RBKS: variants seen among roughly 807,000 people sequenced by gnomAD.
The protein encoded by RBKS is ribokinase.
A neutral mutation model predicts 33.9 loss-of-function variants in RBKS; 33 were observed. The ratio of observed to expected loss-of-function variants is 0.97; its 90% CI spans 0.74 to 1.30. The LOEUF (loss-of-function observed/expected upper bound fraction) is 1.30. RBKS is among the 50% of genes most tolerant of loss of function. The probability of loss-of-function intolerance (pLI) is 0.00; values close to 1 mark genes in which losing one functional copy is unlikely to be tolerated. For missense variants in RBKS, 361 were observed against 392.6 expected, an observed-to-expected ratio of 0.92 and a Z score of 0.68; for synonymous variants, 125 against 143.0, an observed-to-expected ratio of 0.87 and a Z score of 0.90.
chr2:27,878,147 C>T (rs1014558210), intron 1 of RBKS, among the ~76,000 whole-genome samples: 5 of 151,776 alleles, frequency 3.3e-5, no homozygotes, highest in African/African-American at 1.2e-4. Flanking sequence ...CGTCATTTAG[C>T]ATTAGGTATA....
chr2:27,862,710 G>C, intron 1 of RBKS, among the ~76,000 whole-genome samples: 1 of 152,148 alleles, frequency 6.6e-6, no homozygotes, highest in Middle Eastern at 3.2e-3. Context: ...AACTGACTAT[G>C]TGCACTTAAG....
At chr2:27,880,623 G>A (rs557120573) in intron 1 of RBKS, among the ~76,000 whole-genome samples, 2 of 152,200 alleles carry the variant, frequency 1.3e-5, no homozygotes, top group East Asian at 1.9e-4. Flanking sequence ...TACACCAAGA[G>A]TCAAGCCAAA....
chr2:27,783,893 C>T (rs184881055), intron 7 of RBKS, among the ~76,000 whole-genome samples: 1,283 of 116,588 alleles, frequency 0.011, 11 homozygotes, highest in African/African-American at 0.02. Context: ...GGCGACAGAG[C>T]GAGACTCTGT....
At chr2:27,883,324 C>T (rs979054372) in intron 1 of RBKS, among the ~76,000 whole-genome samples, 5 of 152,098 alleles carry the variant, frequency 3.3e-5, no homozygotes, top group Admixed American at 1.3e-4. Flanking sequence ...CTCAGCCTCC[C>T]GAGTAGCTGG....
chr2:27,855,692 C>A (rs1663845713), intron 2 of RBKS, among the ~76,000 whole-genome samples: 1 of 152,190 alleles, frequency 6.6e-6, no homozygotes. Flanking sequence ...TACTGACTAA[C>A]TCTTAAGTAC....
chr2:27,791,649 A>ACACACACAC (rs1456963977), intron 7 of RBKS, among the ~76,000 whole-genome samples: 98 of 52,550 alleles, frequency 1.9e-3, no homozygotes, highest in African/African-American at 5.2e-3. Context: ...CACACTAAAT[A>ACACACACAC]TACATATACA....
chr2:27,853,657 C>T (rs755480586), intron 2 of RBKS, among the ~76,000 whole-genome samples: 3 of 151,918 alleles, frequency 2.0e-5, no homozygotes, highest in African/African-American at 4.8e-5. Flanking sequence ...GATCCTGTCT[C>T]AGAAAAAAAT....
In RBKS at chr2:27,890,109, G is replaced by A. The variant is rs1664693069; in HGVS notation, c.89+148C>T. 3 of 641,086 alleles carry A rather than the reference G, an allele frequency of 4.7e-6. No individual in the cohort carries two copies. Among genetic ancestry groups the A allele is most frequent in the East Asian group, 2.8e-5 (1 of 35,208 alleles). The allele number at this position is 641,086 out of a possible 1,614,324, so 39.7% of individuals were successfully genotyped here. A position where few individuals can be genotyped will look rare whatever the true frequency, so the allele number is the denominator to read the frequency against. On this transcript the variant is annotated intron_variant, in intron 1 of 7. Transcript: ENST00000302188. This position sits in a 1 kb window ranked among gnomAD's most constrained non-coding sequence, Gnocchi z 4.8. ...AAGTTCTTTCATGCCAGGAAGGTAG[G>A]CTGAAGGCTTCGAAAACCTGCAGCT... is the stretch of plus-strand genomic sequence containing the variant.
At chr2:27,786,187 C>G (rs572165121) in intron 7 of RBKS, among the ~76,000 whole-genome samples, 37 of 152,158 alleles carry the variant, frequency 2.4e-4, no homozygotes, top group Non-Finnish European at 5.1e-4. Flanking sequence ...GGATATGTAT[C>G]AAATTGTGAA....
At chr2:27,797,033 C>T (rs767834151) in intron 7 of RBKS, among the ~76,000 whole-genome samples, 5 of 152,200 alleles carry the variant, frequency 3.3e-5, no homozygotes, top group Non-Finnish European at 7.3e-5. Flanking sequence ...CTAATAAACG[C>T]TGTGGAGCTG....
At chr2:27,785,549 G>A (rs571368422) in intron 7 of RBKS, among the ~76,000 whole-genome samples, 93 of 152,088 alleles carry the variant, frequency 6.1e-4, no homozygotes, top group African/African-American at 2.1e-3. Flanking sequence ...TGGATCACGA[G>A]GTCAGGAGTT....
intron 1 of RBKS, among the ~76,000 whole-genome samples, chr2:27,859,892 C>G (rs1663938101): frequency 6.6e-6 from 1 of 152,266 alleles, no homozygotes; most frequent in East Asian, 1.9e-4. Context: ...AGCCAGTTTG[C>G]AACGGGATGA....
chr2:27,832,600 T>C, intron 6 of RBKS, 86 bp downstream of exon 6: 2 of 825,790 alleles, frequency 2.4e-6, no homozygotes, highest in East Asian at 5.1e-5. Flanking sequence ...GTCATCAAAT[T>C]GATGTGGTTA....
chr2:27,791,646 AATATACATATAC>A (rs66685463), intron 7 of RBKS, among the ~76,000 whole-genome samples: 2,570 of 140,772 alleles, frequency 0.018, 35 homozygotes, highest in Middle Eastern at 0.025. Flanking sequence ...ACACACACTA[AATATACATATAC>A]ATATACATAT....
intron 1 of RBKS, among the ~76,000 whole-genome samples, chr2:27,884,296 T>C (rs923360725): frequency 2.0e-5 from 3 of 152,162 alleles, no homozygotes; most frequent in African/African-American, 7.2e-5. Flanking sequence ...TTGTCCAGGC[T>C]GAAGTACAGT....
At chr2:27,876,240 T>C (rs1336153868) in intron 1 of RBKS, among the ~76,000 whole-genome samples, 1 of 152,168 alleles carries the variant, frequency 6.6e-6, no homozygotes, top group Admixed American at 6.5e-5. Flanking sequence ...AACCCAAATG[T>C]CCACTGATAG....
At chr2:27,850,368 T>TGGTGTCG (rs982476029) in intron 2 of RBKS, among the ~76,000 whole-genome samples, 1 of 152,220 alleles carries the variant, frequency 6.6e-6, no homozygotes, top group African/African-American at 2.4e-5. Context: ...GGTTCACCCT[T>TGGTGTCG]GGTGTCGGAT....
At chr2:27,887,090 A>G (rs1161500188) in intron 1 of RBKS, among the ~76,000 whole-genome samples, 3 of 152,248 alleles carry the variant, frequency 2.0e-5, no homozygotes, top group Non-Finnish European at 4.4e-5. Context: ...TCACCATAAA[A>G]TAAAGAGATT....
chr2:27,847,847 A>G (rs1336811537), intron 3 of RBKS, among the ~76,000 whole-genome samples, 187 bp downstream of exon 3: 1 of 152,168 alleles, frequency 6.6e-6, no homozygotes, highest in Non-Finnish European at 1.5e-5. Context: ...TTTTATTCCC[A>G]TCTGGAGGAA....
Sources: allele counts gnomAD v4.1 joint callset (sites outside exome capture counted in the v4.1 genomes callset), GRCh38; gene constraint gnomAD v4.1.1; non-coding constraint Gnocchi (gnomAD v3.1); transcripts MANE v1.5; gene names NCBI Gene and HGNC (gene_info 2026-07-23, HGNC 2026-07-21).